Variants in PCDH15 observed in about 807,000 individuals in gnomAD.
PCDH15 encodes the protein protocadherin-15.
PCDH15 carries 129 observed loss-of-function variants against 178.5 expected under a neutral mutation model. The observed-to-expected ratio is 0.72, with a 90% CI of 0.63 to 0.84. The LOEUF (loss-of-function observed/expected upper bound fraction) is 0.84, where lower values mean the gene tolerates loss of function less well. PCDH15 is among the 40% of genes least tolerant of loss of function. The pLI is 0.00. For missense variants in PCDH15, 2,230 were observed against 2,099.9 expected, an observed-to-expected ratio of 1.06 and a Z score of -1.21; for synonymous variants, 800 against 732.0, an observed-to-expected ratio of 1.09 and a Z score of -1.50.
At chr10:55,119,497 CA>C (rs11441706) in intron 2 of PCDH15, among the ~76,000 whole-genome samples, 28 of 147,018 alleles carry the variant, frequency 1.9e-4, no homozygotes, top group East Asian at 8.0e-4. Context: ...ATCATTCATA[CA>C]AAAAAAAAAG....
intron 2 of PCDH15, among the ~76,000 whole-genome samples, chr10:55,052,920 A>C (rs1018940634): frequency 2.6e-5 from 4 of 152,280 alleles, no homozygotes; most frequent in Admixed American, 6.5e-5. Context: ...CTGACATAGA[A>C]TGAAATTTGA....
At chr10:54,278,225 A>G (rs2058460097) in intron 8 of PCDH15, among the ~76,000 whole-genome samples, 2 of 151,630 alleles carry the variant, frequency 1.3e-5, no homozygotes, top group African/African-American at 4.8e-5. Context: ...CACTCTTTAA[A>G]AATGGATATT....
At chr10:54,386,104 G>GTGTGTGTA (rs1949896875) in intron 3 of PCDH15, among the ~76,000 whole-genome samples, 1 of 22,054 alleles carries the variant, frequency 4.5e-5, no homozygotes, top group African/African-American at 1.3e-4. Flanking sequence ...TATTAGTTGT[G>GTGTGTGTA]TGTGTGTGTG....
intron 3 of PCDH15, among the ~76,000 whole-genome samples, chr10:54,868,482 G>T (rs1953977663): frequency 6.6e-6 from 1 of 151,926 alleles, no homozygotes; most frequent in Non-Finnish European, 1.5e-5. Context: ...CCTACAGATG[G>T]CCTGTGACCT....
intron 13 of PCDH15, among the ~76,000 whole-genome samples, chr10:54,173,337 C>T (rs970487630): frequency 2.6e-5 from 4 of 152,118 alleles, no homozygotes; most frequent in African/African-American, 9.6e-5. Flanking sequence ...ATGCTCTACA[C>T]AATAAATCAT....
chr10:54,702,853 C>G (rs1306628500), intron 1 of PCDH15, among the ~76,000 whole-genome samples: 2 of 152,000 alleles, frequency 1.3e-5, no homozygotes, highest in East Asian at 3.9e-4. Flanking sequence ...CTCACTGATT[C>G]TATGAGTCAT....
intron 3 of PCDH15, among the ~76,000 whole-genome samples, chr10:54,418,051 G>GGTGCCCAGCCACT (rs1359479193): frequency 6.6e-6 from 1 of 152,126 alleles, no homozygotes; most frequent in African/African-American, 2.4e-5. Context: ...TGGAATTGCA[G>GGTGCCCAGCCACT]GTGCCCAGCC....
At chr10:53,836,794 A>G (rs1485110115) in intron 29 of PCDH15, among the ~76,000 whole-genome samples, 1 of 152,228 alleles carries the variant, frequency 6.6e-6, no homozygotes, top group Non-Finnish European at 1.5e-5. Flanking sequence ...GAAGTAACAG[A>G]GCCAGATAGA....
chr10:55,398,758 A>G (rs1405574041), intron 2 of PCDH15, among the ~76,000 whole-genome samples: 1 of 152,100 alleles, frequency 6.6e-6, no homozygotes, highest in East Asian at 1.9e-4. Flanking sequence ...ACCCTCGCCA[A>G]GTATTGGGGT....
chr10:55,212,902 A>T (rs940631455), intron 1 of PCDH15, among the ~76,000 whole-genome samples: 1 of 152,062 alleles, frequency 6.6e-6, no homozygotes, highest in Non-Finnish European at 1.5e-5. Flanking sequence ...TTTCCACCTT[A>T]AAGGTTATAT....
intron 8 of PCDH15, among the ~76,000 whole-genome samples, chr10:54,244,496 G>T (rs1436594816): frequency 6.6e-6 from 1 of 152,160 alleles, no homozygotes; most frequent in Non-Finnish European, 1.5e-5. Context: ...AAAGGTTGGT[G>T]ACTTGTTCCA....
intron 20 of PCDH15, among the ~76,000 whole-genome samples, chr10:54,006,679 G>A (rs1447177106): frequency 6.6e-6 from 1 of 152,080 alleles, no homozygotes; most frequent in Admixed American, 6.6e-5. Context: ...TGGGCACTGA[G>A]TTTTCATCTA....
intron 8 of PCDH15, among the ~76,000 whole-genome samples, chr10:54,284,625 A>C (rs940527301): frequency 1.1e-4 from 17 of 152,182 alleles, no homozygotes; most frequent in African/African-American, 4.1e-4. Context: ...GTGAATTTTC[A>C]GATAGAGTGT....
chr10:54,122,573 C>A (rs1554800318), intron 15 of PCDH15, among the ~76,000 whole-genome samples: 1 of 143,544 alleles, frequency 7.0e-6, no homozygotes. Flanking sequence ...ACAAAAGCAT[C>A]CAAATAGCAA....
intron 2 of PCDH15, among the ~76,000 whole-genome samples, chr10:55,504,165 C>T (rs1279264641): frequency 6.6e-6 from 1 of 150,876 alleles, no homozygotes. Context: ...ACTATGCATT[C>T]CGGATGCTAA....
At position 55,278,370 on chromosome 10, in the gene PCDH15, T is replaced by A. The variant is rs138979518; in HGVS notation, c.-156+41229A>T. Among the ~76,000 whole-genome samples, 251 of 152,270 alleles carry A rather than the reference T, an allele frequency of 1.6e-3. 3 individuals carry two copies. The East Asian group carries it at 0.039, about 24-fold the overall frequency. On this transcript the variant is annotated intron_variant, in intron 1 of 5. Transcript: ENST00000458638. The stretch of plus-strand genomic sequence containing the variant: ...AAATAATTATTCTATTTTCCTTTTT[T>A]GTCTTTCATATCTGTTTATATTTTC...
chr10:53,974,806 T>TG (rs2090054448), intron 21 of PCDH15, among the ~76,000 whole-genome samples: 1 of 152,140 alleles, frequency 6.6e-6, no homozygotes, highest in South Asian at 2.1e-4. Context: ...TTTTAGGTTT[T>TG]GGGGTACATG....
rs546022453 is a variant in PCDH15, at chr10:54,889,687, A to G, written c.-29+7763T>C. On this transcript the variant is annotated intron_variant, in intron 3 of 5. Transcript: ENST00000458638. ...TCTGAGATGATACTTTATCTATAAT[A>G]ATGTAGGTCATAAAAATGTTTCTAA... 4.0e-5 allele frequency among the ~76,000 whole-genome samples: 6 copies of G among 151,558 alleles called. No individual in the cohort carries two copies. The South Asian group carries it at 1.0e-3, about 26-fold the overall frequency.
At chr10:54,232,163 T>C (rs546081602) in intron 9 of PCDH15, among the ~76,000 whole-genome samples, 25 of 152,264 alleles carry the variant, frequency 1.6e-4, no homozygotes, top group Admixed American at 9.2e-4. Context: ...TAGGAGGTCA[T>C]TGAATAATGG....
Sources: gnomAD v4.1 joint callset for allele counts (sites outside exome capture counted in the v4.1 genomes callset) on GRCh38, gnomAD v4.1.1 for gene constraint, MANE v1.5 for transcripts, NCBI Gene and HGNC (gene_info 2026-07-23, HGNC 2026-07-21) for gene names.